Variants in NALCN observed in about 807,000 individuals in gnomAD.
The protein encoded by NALCN is sodium leak channel NALCN.
Under a neutral mutation model 225.3 loss-of-function variants are expected in NALCN, and 111 were observed. That is an observed-to-expected ratio of 0.49 (90% CI 0.42 to 0.58). The LOEUF (loss-of-function observed/expected upper bound fraction) is 0.58, where lower values mean the gene tolerates loss of function less well. Ranked by LOEUF, NALCN falls within the 20% of genes least tolerant of loss-of-function variation. The pLI is 0.00. For missense variants in NALCN, 1,378 were observed against 2,202.4 expected (o/e 0.63, Z 7.49); for synonymous variants, 764 against 769.0 (o/e 0.99, Z 0.11).
In NALCN at chr13:101,167,826, G is replaced by A. The variant is rs2038519833; in HGVS notation, c.1839+8474C>T. Among the ~76,000 whole-genome samples, 5 of 141,874 alleles carry A rather than the reference G, an allele frequency of 3.5e-5. No individual in the cohort carries two copies. The Admixed American group carries it at 3.6e-4, about 10-fold the overall frequency. The allele number at this position is 141,874 out of a possible 152,430, so 93.1% of individuals were successfully genotyped here. On this transcript the variant is annotated intron_variant, in intron 15 of 43. Transcript: ENST00000251127. ...TGCACTCCAGCCTAAGGAAAAGGTT[G>A]AGACTCTGTCAAAAAAAAACAAAAA... is the stretch of plus-strand genomic sequence containing the variant.
At chr13:101,181,664 C>T (rs2039232259) in intron 14 of NALCN, among the ~76,000 whole-genome samples, 1 of 151,834 alleles carries the variant, frequency 6.6e-6, no homozygotes, top group Non-Finnish European at 1.5e-5. Flanking sequence ...ATTTCTTGAG[C>T]CTGGGAGGTC....
chr13:101,391,708 G>GCC (rs1365493477), intron 3 of NALCN, among the ~76,000 whole-genome samples: 28 of 144,022 alleles, frequency 1.9e-4, no homozygotes, highest in Admixed American at 1.9e-3. Flanking sequence ...ACATAGGTCT[G>GCC]CCACAGTGGC....
chr13:101,114,868 T>C (rs2035629998), intron 18 of NALCN, among the ~76,000 whole-genome samples: 1 of 152,204 alleles, frequency 6.6e-6, no homozygotes, highest in African/African-American at 2.4e-5. Flanking sequence ...AACCTCCCTT[T>C]CTGGTCTCAT....
intron 18 of NALCN, among the ~76,000 whole-genome samples, chr13:101,118,096 G>A (rs754282492): frequency 3.3e-5 from 5 of 152,108 alleles, no homozygotes; most frequent in Non-Finnish European, 7.4e-5. Flanking sequence ...ATAGTGATGT[G>A]TCAGTGTAGG....
intron 18 of NALCN, among the ~76,000 whole-genome samples, chr13:101,111,614 G>C (rs542978888): frequency 1.3e-5 from 2 of 152,170 alleles, no homozygotes; most frequent in South Asian, 4.1e-4. Context: ...CATGTGTCGT[G>C]GGAGGGACCC....
chr13:101,076,509 A>T (rs923657791), intron 34 of NALCN, among the ~76,000 whole-genome samples: 1 of 152,246 alleles, frequency 6.6e-6, no homozygotes, highest in African/African-American at 2.4e-5. Flanking sequence ...AGAAACAAAG[A>T]TCCCACCAGC....
chr13:101,144,662 C>A, intron 16 of NALCN, 98 bp downstream of exon 16: 2 of 1,240,826 alleles, frequency 1.6e-6, no homozygotes, highest in Admixed American at 2.5e-5. Flanking sequence ...GAAAGAAACC[C>A]AACCCACATA....
intron 7 of NALCN, among the ~76,000 whole-genome samples, chr13:101,304,489 C>T (rs147655988): frequency 1.8e-3 from 262 of 146,520 alleles, no homozygotes; most frequent in Non-Finnish European, 3.0e-3. Flanking sequence ...CAGGGTTTGG[C>T]TCTGTCACCC....
At chr13:101,069,315 G>T (rs1390044877) in intron 37 of NALCN, among the ~76,000 whole-genome samples, 1 of 152,208 alleles carries the variant, frequency 6.6e-6, no homozygotes, top group Non-Finnish European at 1.5e-5. Flanking sequence ...TGCATGTTTT[G>T]GTTTCCCAGT....
At position 101,062,089 on chromosome 13, in the gene NALCN, C is replaced by T; in HGVS notation, c.4634G>A (p.Arg1545Gln). 1 of 1,614,112 alleles carries T rather than the reference C, an allele frequency of 6.2e-7. No homozygotes were observed. Among genetic ancestry groups the T allele is most frequent in the Non-Finnish European group, 8.5e-7 (1 of 1,179,996 alleles). ...SMLSYRSVDIRKSLQLEELLA... is the reference protein window; with the variant it reads ...SMLSYRSVDIQKSLQLEELLA... ...GAGTTCCTCCAGCTGCAAGCTCTTC[C>T]GGATGTCCACGGACCGGTATGAAAG... is the stretch of plus-strand genomic sequence containing the variant. The change falls in exon 41 of 44, where the codon CGG becomes CAG. Residue 1545 changes from arginine (R) to glutamine (Q), a missense_variant. By Grantham distance (43) the Arg-to-Gln change is conservative. Coordinates refer to ENST00000251127, the MANE Select transcript of NALCN (RefSeq NM_052867.4).
chr13:101,295,194 C>T lies in NALCN; in HGVS notation c.800-2828G>A, dbSNP rs79203764. On this transcript the variant is annotated intron_variant, in intron 7 of 43. Transcript: ENST00000251127. Reference sequence around the variant, plus strand: ...ATAAAATGTCAACAGCAAACAGAAGCAACTGTTTTTATTGATGATTCATAG... The same window carrying T: ...ATAAAATGTCAACAGCAAACAGAAGTAACTGTTTTTATTGATGATTCATAG... Among the ~76,000 whole-genome samples the T allele has an allele frequency of 5.4e-3, 827 of 152,270 alleles. 3 individuals carry two copies. Among genetic ancestry groups the T allele is most frequent in the Non-Finnish European group, 8.7e-3 (590 of 68,018 alleles).
intron 7 of NALCN, among the ~76,000 whole-genome samples, chr13:101,314,069 T>C (rs1157562014): frequency 1.6e-4 from 23 of 144,784 alleles, no homozygotes; most frequent in African/African-American, 5.2e-4. Flanking sequence ...GGACAAAAAA[T>C]CAAACACCGC....
At chr13:101,235,688 G>A (rs1006909380) in intron 12 of NALCN, among the ~76,000 whole-genome samples, 8 of 152,148 alleles carry the variant, frequency 5.3e-5, no homozygotes, top group African/African-American at 1.4e-4. Context: ...TTACATCCAC[G>A]GATGCTGAGG....
intron 43 of NALCN, among the ~76,000 whole-genome samples, chr13:101,056,659 G>A (rs2031303610): frequency 1.3e-5 from 2 of 152,100 alleles, no homozygotes; most frequent in Admixed American, 1.3e-4. Context: ...ATCTGTCCCT[G>A]CAGTATCTGG....
Position 101,260,980 on chromosome 13 carries a change from T to C in NALCN, c.1135-2406A>G, listed in dbSNP as rs2042406481. On this transcript the variant is annotated intron_variant, in intron 10 of 43. Transcript: ENST00000251127. ...ATGTCCTGGAGATTTTCCCCAGTGT[T>C]TTCTTGTAGTAATTTCATAGTTTGA... Among the ~76,000 whole-genome samples the C allele has an allele frequency of 2.0e-5, 3 of 152,320 alleles. No homozygotes were observed. The South Asian group carries it at 6.2e-4, about 32-fold the overall frequency.
intron 28 of NALCN, among the ~76,000 whole-genome samples, 182 bp downstream of exon 28, chr13:101,095,390 GCT>G (rs1463912647): frequency 1.3e-5 from 2 of 151,834 alleles, no homozygotes; most frequent in African/African-American, 4.8e-5. Flanking sequence ...TGCACTACTT[GCT>G]CTCTTATTTT....
Position 101,104,486 on chromosome 13 carries a change from T to C in NALCN, c.2757+44A>G, listed in dbSNP as rs759149661. The C allele has an allele frequency of 5.0e-6, 8 of 1,613,306 alleles. No homozygotes were observed. Among genetic ancestry groups the C allele is most frequent in the East Asian group, 2.2e-5 (1 of 44,856 alleles). On this transcript the variant is annotated intron_variant, in intron 24 of 43. Coordinates refer to ENST00000251127, the MANE Select transcript of NALCN (RefSeq NM_052867.4). This position sits in a 1 kb window ranked among gnomAD's most constrained non-coding sequence, Gnocchi z 4.2. ...ACGGAAAAACAGCAGGTCAGTATTT[T>C]ACCTCCTAGTTGTAAGCTGAGATTT...
chr13:101,240,870 A>AC (rs1555320548), intron 11 of NALCN, among the ~76,000 whole-genome samples: 1 of 152,186 alleles, frequency 6.6e-6, no homozygotes, highest in Non-Finnish European at 1.5e-5. Flanking sequence ...AAAACTCTAG[A>AC]TGATAATGCT....
At chr13:101,106,218 T>C (rs34299016) in intron 22 of NALCN, among the ~76,000 whole-genome samples, 2,883 of 152,152 alleles carry the variant, frequency 0.019, 56 homozygotes, top group East Asian at 0.089. Flanking sequence ...ACCAATCATA[T>C]TAGATTAGGG....
Sources: allele counts gnomAD v4.1 joint callset (sites outside exome capture counted in the v4.1 genomes callset), GRCh38; gene constraint gnomAD v4.1.1; non-coding constraint Gnocchi (gnomAD v3.1); transcripts MANE v1.5; gene names NCBI Gene and HGNC (gene_info 2026-07-23, HGNC 2026-07-21).